USP13: variants seen among roughly 807,000 people sequenced by gnomAD.
USP13 encodes the protein ubiquitin carboxyl-terminal hydrolase 13.
USP13 carries 68 observed loss-of-function variants against 107.8 expected under a neutral mutation model. The ratio of observed to expected loss-of-function variants is 0.63; its 90% CI spans 0.52 to 0.77. USP13 has a LOEUF of 0.77. Among genes scored for constraint, USP13 ranks in the 30% least tolerant of loss-of-function variants. The pLI, the probability that USP13 is intolerant of heterozygous loss-of-function variation, is 0.00. For missense variants in USP13, 945 were observed against 1,093.3 expected, an observed-to-expected ratio of 0.86 and a Z score of 1.91; for synonymous variants, 377 against 389.5, an observed-to-expected ratio of 0.97 and a Z score of 0.38.
In USP13 at chr3:179,683,272, G is replaced by C. The variant is rs1044068779; in HGVS notation, c.294+1269G>C. 2.0e-5 allele frequency among the ~76,000 whole-genome samples: 3 copies of C among 150,752 alleles called. No individual in the cohort carries two copies. In the South Asian group the frequency reaches 6.3e-4, roughly 31 times the overall value. Reference sequence around the variant, plus strand: ...TACTTTGTTTATGAATTATTTTGTAGAATAGAAGTTGTAAGTTTTGAATTA... The same window carrying C: ...TACTTTGTTTATGAATTATTTTGTACAATAGAAGTTGTAAGTTTTGAATTA... On this transcript the variant is annotated intron_variant, in intron 2 of 20. Coordinates refer to ENST00000263966, the MANE Select transcript of USP13 (RefSeq NM_003940.3).
intron 1 of USP13, among the ~76,000 whole-genome samples, chr3:179,670,017 G>A (rs746985383): frequency 5.3e-5 from 8 of 151,370 alleles, no homozygotes; most frequent in African/African-American, 9.8e-5. Flanking sequence ...CTGTACTGTC[G>A]CCACCTTTTT....
chr3:179,740,042 C>T (rs916035917), intron 10 of USP13, among the ~76,000 whole-genome samples: 1 of 152,106 alleles, frequency 6.6e-6, no homozygotes, highest in African/African-American at 2.4e-5. Flanking sequence ...GAGTCTCATC[C>T]TGTGTTCTTC....
At chr3:179,654,885 C>T (rs1397318747) in intron 1 of USP13, among the ~76,000 whole-genome samples, 4 of 152,112 alleles carry the variant, frequency 2.6e-5, no homozygotes, top group Non-Finnish European at 5.9e-5. Flanking sequence ...TTTATGGTAA[C>T]TCCATATCAT....
chr3:179,761,055 A>C, intron 16 of USP13, 57 bp from the exon 17 acceptor site: 1 of 1,606,690 alleles, frequency 6.2e-7, no homozygotes, highest in Non-Finnish European at 8.5e-7. Context: ...GAGAGTAGCT[A>C]AGACAAGAAG....
chr3:179,671,751 C>A, intron 1 of USP13, among the ~76,000 whole-genome samples: 1 of 151,768 alleles, frequency 6.6e-6, no homozygotes, highest in Non-Finnish European at 1.5e-5. Flanking sequence ...TTTTCCTGTC[C>A]GCTCTTTTTT....
At chr3:179,660,799 AC>A (rs1720435706) in intron 1 of USP13, among the ~76,000 whole-genome samples, 1 of 152,260 alleles carries the variant, frequency 6.6e-6, no homozygotes, top group African/African-American at 2.4e-5. Context: ...GAGCAGACAG[AC>A]TTTTTTCCAC....
At chr3:179,691,077 G>T (rs896716240) in intron 3 of USP13, among the ~76,000 whole-genome samples, 8 of 151,782 alleles carry the variant, frequency 5.3e-5, no homozygotes, top group African/African-American at 1.7e-4. Flanking sequence ...GCTGAGGCAG[G>T]AGGATCACTT....
chr3:179,679,557 T>C (rs1295061601), intron 1 of USP13, among the ~76,000 whole-genome samples: 2 of 152,132 alleles, frequency 1.3e-5, no homozygotes, highest in Non-Finnish European at 2.9e-5. Context: ...GCTAATTTTG[T>C]AGCCTAAGTT....
chr3:179,703,955 T>A (rs917266464), intron 4 of USP13, among the ~76,000 whole-genome samples: 2 of 152,192 alleles, frequency 1.3e-5, no homozygotes, highest in African/African-American at 4.8e-5. Context: ...TGGACTCTTA[T>A]GAGCCAGTTT....
At chr3:179,706,445 G>T (rs1244138812) in intron 4 of USP13, among the ~76,000 whole-genome samples, 1 of 152,152 alleles carries the variant, frequency 6.6e-6, no homozygotes, top group African/African-American at 2.4e-5. Context: ...GGTCACATTT[G>T]CACCAGATTA....
chr3:179,741,191 T>TTTTGTTTG (rs759413942), intron 11 of USP13, among the ~76,000 whole-genome samples: 346 of 151,996 alleles, frequency 2.3e-3, no homozygotes, highest in African/African-American at 8.0e-3. Flanking sequence ...AGCCAGTGTT[T>TTTTGTTTG]TTTGTTTGTT....
chr3:179,750,304 GTATATA>G (rs61032635), intron 13 of USP13, among the ~76,000 whole-genome samples: 1 of 113,516 alleles, frequency 8.8e-6, no homozygotes, highest in African/African-American at 2.9e-5. Context: ...ATATGTGTGT[GTATATA>G]TATATATATA....
chr3:179,712,239 CTAAA>C (rs1324386962), intron 6 of USP13, among the ~76,000 whole-genome samples: 5 of 152,136 alleles, frequency 3.3e-5, no homozygotes, highest in Admixed American at 6.5e-5. Context: ...TTTAAAATTG[CTAAA>C]TAGAGTAACT....
chr3:179,760,649 C>G (rs780617659), intron 16 of USP13, among the ~76,000 whole-genome samples: 5 of 151,790 alleles, frequency 3.3e-5, no homozygotes, highest in Admixed American at 6.6e-5. Flanking sequence ...CATTTGCACT[C>G]TCCGTTTTCC....
chr3:179,696,553 C>G (rs986229448), intron 3 of USP13, among the ~76,000 whole-genome samples: 5 of 152,002 alleles, frequency 3.3e-5, no homozygotes, highest in Non-Finnish European at 7.4e-5. Flanking sequence ...AACCTGACCT[C>G]GAACTCCTGA....
At position 179,678,524 on chromosome 3, in the gene USP13, T is replaced by G. The variant is rs1711544544; in HGVS notation, c.169-3354T>G. Reference sequence around the variant, plus strand: ...GTCTCTTTCTGTCACCCAGGCTGGATGGCACAATCATGGCTCACTGCAACC... The same window carrying G: ...GTCTCTTTCTGTCACCCAGGCTGGAGGGCACAATCATGGCTCACTGCAACC... On this transcript the variant is annotated intron_variant, in intron 1 of 20. Transcript: ENST00000263966. The surrounding 1 kb of genome is among the most constrained non-coding windows in gnomAD (Gnocchi z 4.2). Among the ~76,000 whole-genome samples the G allele has an allele frequency of 1.3e-5, 2 of 151,880 alleles. No individual in the cohort carries two copies. Among genetic ancestry groups the G allele is most frequent in the South Asian group, 2.1e-4 (1 of 4,804 alleles).
intron 18 of USP13, 90 bp downstream of exon 18, chr3:179,764,258 T>C: frequency 6.8e-7 from 1 of 1,462,226 alleles, no homozygotes; most frequent in South Asian, 1.6e-5. Flanking sequence ...TGTACTTTGA[T>C]CATTTTGATT....
At chr3:179,708,595 C>T (rs575182918) in intron 5 of USP13, among the ~76,000 whole-genome samples, 178 bp from the exon 6 acceptor site, 59 of 152,252 alleles carry the variant, frequency 3.9e-4, no homozygotes, top group African/African-American at 1.4e-3. Flanking sequence ...GGGTTACAGG[C>T]GTGAACCACC....
chr3:179,673,770 G>A (rs557270400), intron 1 of USP13, among the ~76,000 whole-genome samples: 105 of 152,284 alleles, frequency 6.9e-4, no homozygotes, highest in Middle Eastern at 3.4e-3. Flanking sequence ...CTTTCCTGGC[G>A]GGTGAGACAC....
Sources: gnomAD v4.1 joint callset for allele counts (sites outside exome capture counted in the v4.1 genomes callset) on GRCh38, gnomAD v4.1.1 for gene constraint, Gnocchi (gnomAD v3.1) non-coding constraint, MANE v1.5 for transcripts, NCBI Gene and HGNC (gene_info 2026-07-23, HGNC 2026-07-21) for gene names.